Variants in EHBP1 observed in about 807,000 individuals in gnomAD.
EHBP1 encodes EH domain-binding protein 1.
A neutral mutation model predicts 144.0 loss-of-function variants in EHBP1; 55 were observed. That is an observed-to-expected ratio of 0.38 (90% CI 0.31 to 0.48). The LOEUF is 0.48. EHBP1 is among the 20% of genes least tolerant of loss of function. The probability of loss-of-function intolerance (pLI) is 0.98; values close to 1 mark genes in which losing one functional copy is unlikely to be tolerated. For synonymous variants in EHBP1, 469 were observed against 472.7 expected, an observed-to-expected ratio of 0.99 and a Z score of 0.10; for missense variants, 1,200 against 1,364.2, an observed-to-expected ratio of 0.88 and a Z score of 1.90.
chr2:62,754,699 C>T (rs1222513201), intron 3 of EHBP1, among the ~76,000 whole-genome samples: 1 of 152,248 alleles, frequency 6.6e-6, no homozygotes, highest in Non-Finnish European at 1.5e-5. Flanking sequence ...GGGTGCCCCT[C>T]CCGCAGCCTT....
chr2:62,732,715 C>T (rs902896410), intron 2 of EHBP1, among the ~76,000 whole-genome samples: 2 of 152,194 alleles, frequency 1.3e-5, no homozygotes, highest in African/African-American at 4.8e-5. Context: ...GCCAATTAAA[C>T]CTCTTTTCTT....
chr2:62,847,048 A>C (rs529948826), intron 7 of EHBP1, among the ~76,000 whole-genome samples: 2 of 152,222 alleles, frequency 1.3e-5, no homozygotes, highest in Non-Finnish European at 2.9e-5. Context: ...CTGAATTATA[A>C]TAGTAATGCT....
chr2:62,936,727 C>G (rs1338540552), intron 10 of EHBP1, among the ~76,000 whole-genome samples: 1 of 151,838 alleles, frequency 6.6e-6, no homozygotes, highest in Non-Finnish European at 1.5e-5. Flanking sequence ...AGTAGAATAA[C>G]AAGGCCTAAC....
intron 15 of EHBP1, among the ~76,000 whole-genome samples, chr2:62,981,607 G>T (rs1207238989): frequency 6.6e-6 from 1 of 152,180 alleles, no homozygotes; most frequent in Non-Finnish European, 1.5e-5. Context: ...AACTACACTT[G>T]AGGCTAAGCC....
rs573662237 is a variant in EHBP1 at position 62,851,262 on chromosome 2, A to G, written c.635-7907A>G. On this transcript the variant is annotated intron_variant, in intron 7 of 22. Transcript: ENST00000431489. ...TCAAATTCTTTAGTTTGATCACAAC[A>G]ACCTTCATGATAGGACAGCTGCCAG... Among the ~76,000 whole-genome samples the G allele has an allele frequency of 2.6e-5, 4 of 152,284 alleles. No homozygotes were observed. The East Asian group carries it at 7.7e-4, about 29-fold the overall frequency.
chr2:62,743,810 T>A (rs181996280), intron 2 of EHBP1, among the ~76,000 whole-genome samples: 1 of 152,250 alleles, frequency 6.6e-6, no homozygotes, highest in East Asian at 1.9e-4. Flanking sequence ...AATTGCTTTA[T>A]AATCTGAATA....
chr2:62,957,641 C>CTTTTTTTTTTTTTTTTT (rs1157397512), intron 14 of EHBP1, among the ~76,000 whole-genome samples: 8 of 87,174 alleles, frequency 9.2e-5, no homozygotes, highest in African/African-American at 3.1e-4. Flanking sequence ...AAAATAAATG[C>CTTTTTTTTTTTTTTTTT]TTTTTTTTTT....
intron 19 of EHBP1, among the ~76,000 whole-genome samples, chr2:63,017,794 G>A (rs2060544513): frequency 2.0e-5 from 3 of 152,224 alleles, no homozygotes; most frequent in South Asian, 4.2e-4. Context: ...GTAGTATAGA[G>A]GCATTTGATT....
intron 10 of EHBP1, among the ~76,000 whole-genome samples, chr2:62,926,436 G>A (rs1020966192): frequency 2.3e-4 from 35 of 152,088 alleles, no homozygotes; most frequent in African/African-American, 8.2e-4. Context: ...CTACTCATTC[G>A]ATGGAGGATT....
chr2:62,822,238 A>C (rs1255334694), intron 5 of EHBP1, among the ~76,000 whole-genome samples: 2 of 152,122 alleles, frequency 1.3e-5, no homozygotes, highest in Non-Finnish European at 2.9e-5. Context: ...ACATTTATTC[A>C]CCTGTTGCTT....
chr2:62,833,961 G>A (rs1250334560), intron 7 of EHBP1, among the ~76,000 whole-genome samples: 1 of 152,160 alleles, frequency 6.6e-6, no homozygotes, highest in African/African-American at 2.4e-5. Flanking sequence ...TGATCCTCAT[G>A]GCTGACTTTG....
intron 1 of EHBP1, among the ~76,000 whole-genome samples, chr2:62,677,120 G>A (rs2033328029): frequency 6.6e-6 from 1 of 152,160 alleles, no homozygotes; most frequent in African/African-American, 2.4e-5. Flanking sequence ...CACTTGAACT[G>A]GGGAGGTTGA....
intron 1 of EHBP1, among the ~76,000 whole-genome samples, chr2:62,676,927 A>G (rs1219288910): frequency 6.6e-6 from 1 of 152,228 alleles, no homozygotes; most frequent in Non-Finnish European, 1.5e-5. Context: ...TAATGCCAGC[A>G]CTTTGGGAGG....
At chr2:62,829,598 T>C (rs2046639802) in intron 6 of EHBP1, among the ~76,000 whole-genome samples, 1 of 145,842 alleles carries the variant, frequency 6.9e-6, no homozygotes, top group Admixed American at 6.9e-5. Context: ...TGTGTGTGTA[T>C]ATATATATTA....
intron 10 of EHBP1, among the ~76,000 whole-genome samples, chr2:62,915,271 T>C (rs2054519101): frequency 6.6e-6 from 1 of 152,120 alleles, no homozygotes; most frequent in African/African-American, 2.4e-5. Flanking sequence ...CAGGTTATAT[T>C]TTAAATGTAT....
At chr2:62,868,963 A>G (rs1321689546) in intron 9 of EHBP1, among the ~76,000 whole-genome samples, 2 of 152,178 alleles carry the variant, frequency 1.3e-5, no homozygotes, top group Non-Finnish European at 2.9e-5. Flanking sequence ...CTAAAAAATA[A>G]TAAATTTAAA....
rs1015684774 is a variant in EHBP1, at chr2:62,850,472, G to A, written c.635-8697G>A. Among the ~76,000 whole-genome samples, 8 of 151,994 alleles carry A rather than the reference G, an allele frequency of 5.3e-5. No individual in the cohort carries two copies. The Middle Eastern group carries it at 0.01, about 194-fold the overall frequency. On this transcript the variant is annotated intron_variant, in intron 7 of 22. Coordinates refer to ENST00000431489, the MANE Select transcript of EHBP1 (RefSeq NM_001142616.3). ...TGTAAGGAAGAATCTCAAATTATTT[G>A]ACCCTTTGCTTTGATTGCCTGCCCC...
intron 4 of EHBP1, among the ~76,000 whole-genome samples, chr2:62,767,166 A>T (rs1214118001): frequency 7.2e-5 from 11 of 152,212 alleles, no homozygotes; most frequent in Middle Eastern, 3.4e-3. Flanking sequence ...ACTGAAGAAA[A>T]CGTTGCCGCT....
At chr2:62,820,324 T>G (rs570104639) in intron 5 of EHBP1, among the ~76,000 whole-genome samples, 1 of 152,132 alleles carries the variant, frequency 6.6e-6, no homozygotes, top group African/African-American at 2.4e-5. Context: ...CACAATACTG[T>G]ACAATATAAA....
Sources: gnomAD v4.1 joint callset for allele counts (sites outside exome capture counted in the v4.1 genomes callset) on GRCh38, gnomAD v4.1.1 for gene constraint, MANE v1.5 for transcripts, NCBI Gene and HGNC (gene_info 2026-07-23, HGNC 2026-07-21) for gene names.